NTNG1: variants seen among roughly 807,000 people sequenced by gnomAD.
NTNG1 encodes netrin G1.
NTNG1 carries 16 observed loss-of-function variants against 54.0 expected under a neutral mutation model. The ratio of observed to expected loss-of-function variants is 0.30; its 90% CI spans 0.20 to 0.45. The LOEUF is 0.45. Among genes scored for constraint, NTNG1 ranks in the 20% least tolerant of loss-of-function variants. The probability of loss-of-function intolerance (pLI) is 1.00; values close to 1 mark genes in which losing one functional copy is unlikely to be tolerated. For synonymous variants in NTNG1, 255 were observed against 263.1 expected, an observed-to-expected ratio of 0.97 and a Z score of 0.30; for missense variants, 530 against 678.7, an observed-to-expected ratio of 0.78 and a Z score of 2.43.
At chr1:107,322,059 T>C (rs1011049230) in intron 2 of NTNG1, among the ~76,000 whole-genome samples, 2 of 152,206 alleles carry the variant, frequency 1.3e-5, no homozygotes, top group Non-Finnish European at 2.9e-5. Flanking sequence ...CAAGACTTTA[T>C]ATTAAGTATA....
intron 5 of NTNG1, among the ~76,000 whole-genome samples, chr1:107,415,512 A>G (rs576988099): frequency 3.3e-5 from 5 of 152,274 alleles, no homozygotes; most frequent in Admixed American, 3.3e-4. Flanking sequence ...TAAGGAAAGT[A>G]AAATCCGGAG....
At chr1:107,444,816 A>C (rs1201598929) in intron 7 of NTNG1, among the ~76,000 whole-genome samples, 1 of 152,134 alleles carries the variant, frequency 6.6e-6, no homozygotes, top group African/African-American at 2.4e-5. Flanking sequence ...CAACAGCCTG[A>C]TCCTACCTGA....
chr1:107,480,577 C>CCCCCCCCCCCCCCA, intron 7 of NTNG1, 34 bp from the exon 8 acceptor site: 2 of 470,480 alleles, frequency 4.3e-6, no homozygotes, highest in East Asian at 3.8e-5. Flanking sequence ...CCTCCCCGCG[C>CCCCCCCCCCCCCCA]CCACCCACCC....
chr1:107,198,478 A>T (rs576380117), intron 2 of NTNG1, among the ~76,000 whole-genome samples: 3 of 152,116 alleles, frequency 2.0e-5, no homozygotes, highest in African/African-American at 7.2e-5. Flanking sequence ...AGACAAAATA[A>T]AATTACATCA....
intron 1 of NTNG1, among the ~76,000 whole-genome samples, chr1:107,145,355 A>C (rs1305861093): frequency 6.6e-6 from 1 of 152,012 alleles, no homozygotes; most frequent in East Asian, 1.9e-4. Flanking sequence ...ATTTCTTACT[A>C]ATTTGAAGTT....
intron 2 of NTNG1, among the ~76,000 whole-genome samples, chr1:107,291,103 A>G (rs915705524): frequency 1.3e-5 from 2 of 151,336 alleles, no homozygotes; most frequent in African/African-American, 4.9e-5. Context: ...TACCTCTGCC[A>G]CCTCTGAGAC....
At chr1:107,147,098 C>T (rs1207763020) in intron 1 of NTNG1, among the ~76,000 whole-genome samples, 5 of 152,010 alleles carry the variant, frequency 3.3e-5, no homozygotes, top group African/African-American at 1.2e-4. Flanking sequence ...GGATAGTGAT[C>T]TCTAAACAGA....
At chr1:107,341,745 T>C (rs1342649174) in intron 3 of NTNG1, among the ~76,000 whole-genome samples, 2 of 152,114 alleles carry the variant, frequency 1.3e-5, no homozygotes, top group African/African-American at 4.8e-5. Flanking sequence ...CAGGATCATC[T>C]ATGAGAGAAA....
At chr1:107,281,436 G>A (rs1034821822) in intron 2 of NTNG1, among the ~76,000 whole-genome samples, 2 of 151,628 alleles carry the variant, frequency 1.3e-5, no homozygotes, top group Admixed American at 1.3e-4. Context: ...TTTATATTTT[G>A]CAAAACTTGA....
chr1:107,300,437 C>G (rs1265883430), intron 2 of NTNG1, among the ~76,000 whole-genome samples: 1 of 152,146 alleles, frequency 6.6e-6, no homozygotes, highest in East Asian at 1.9e-4. Flanking sequence ...AATCTAGTTC[C>G]CCAGTTCACC....
At chr1:107,168,008 T>C (rs1336243578) in intron 2 of NTNG1, among the ~76,000 whole-genome samples, 6 of 152,048 alleles carry the variant, frequency 3.9e-5, no homozygotes, top group Non-Finnish European at 7.4e-5. Flanking sequence ...TATTGACAAA[T>C]TGATACCAGA....
chr1:107,444,763 A>G (rs1458878096), intron 7 of NTNG1, among the ~76,000 whole-genome samples: 1 of 152,144 alleles, frequency 6.6e-6, no homozygotes, highest in Non-Finnish European at 1.5e-5. Flanking sequence ...GCTCATGGAA[A>G]AATGCAGGCA....
At chr1:107,414,218 C>T (rs568385781) in intron 5 of NTNG1, among the ~76,000 whole-genome samples, 1 of 152,128 alleles carries the variant, frequency 6.6e-6, no homozygotes, top group South Asian at 2.1e-4. Flanking sequence ...AGTGAGCTTT[C>T]CTTGGGTGCA....
intron 2 of NTNG1, among the ~76,000 whole-genome samples, chr1:107,193,624 T>G (rs1419072624): frequency 1.3e-5 from 2 of 151,922 alleles, no homozygotes; most frequent in Non-Finnish European, 2.9e-5. Context: ...GTAGATTGAG[T>G]GAAGTTAGGT....
intron 2 of NTNG1, among the ~76,000 whole-genome samples, chr1:107,238,709 C>T (rs554018316): frequency 9.9e-5 from 15 of 152,054 alleles, no homozygotes; most frequent in African/African-American, 2.7e-4. Flanking sequence ...CTGCCATCCA[C>T]GTAAGATGTG....
intron 3 of NTNG1, among the ~76,000 whole-genome samples, chr1:107,368,062 A>C (rs1248795672): frequency 6.6e-6 from 1 of 152,046 alleles, no homozygotes; most frequent in Admixed American, 6.6e-5. Context: ...CCGGCCTAAA[A>C]ACTTTAAACA....
chr1:107,272,206 T>A (rs1664192326), intron 2 of NTNG1, among the ~76,000 whole-genome samples: 1 of 152,082 alleles, frequency 6.6e-6, no homozygotes, highest in South Asian at 2.1e-4. Context: ...AATAATAATA[T>A]TACTAATAAT....
chr1:107,412,458 C>A (rs995863187), intron 5 of NTNG1, among the ~76,000 whole-genome samples: 1 of 152,150 alleles, frequency 6.6e-6, no homozygotes, highest in Admixed American at 6.6e-5. Flanking sequence ...CCAGGAATGC[C>A]TATCTGGCTG....
At chr1:107,392,586 A>G (rs1043468573) in intron 3 of NTNG1, among the ~76,000 whole-genome samples, 2 of 152,092 alleles carry the variant, frequency 1.3e-5, no homozygotes, top group African/African-American at 4.8e-5. Flanking sequence ...ATGGAAAAGT[A>G]TCCATTGGAT....
Sources: allele counts gnomAD v4.1 joint callset (sites outside exome capture counted in the v4.1 genomes callset), GRCh38; gene constraint gnomAD v4.1.1; transcripts MANE v1.5; gene names NCBI Gene and HGNC (gene_info 2026-07-23, HGNC 2026-07-21).